Variants in GTF2IRD1 observed in about 807,000 individuals in gnomAD.
GTF2IRD1 encodes GTF2I repeat domain containing 1, also known as general transcription factor II-I repeat domain-containing protein 1.
A neutral mutation model predicts 113.2 loss-of-function variants in GTF2IRD1; 26 were observed. That is an observed-to-expected ratio of 0.23 (90% CI 0.17 to 0.32). The LOEUF (loss-of-function observed/expected upper bound fraction) is 0.32. Among genes scored for constraint, GTF2IRD1 ranks in the 10% least tolerant of loss-of-function variants. GTF2IRD1 has a pLI of 1.00. For synonymous variants in GTF2IRD1, 484 were observed against 529.1 expected (o/e 0.91, Z 1.17); for missense variants, 864 against 1,280.8 (o/e 0.67, Z 4.97).
At position 74,569,423 on chromosome 7, in the gene GTF2IRD1, T is replaced by TG. The variant is rs1268910497; in HGVS notation, c.2320+9769dup. 3.3e-5 allele frequency among the ~76,000 whole-genome samples: 5 copies of TG among 152,308 alleles called. No individual in the cohort carries two copies. The East Asian group carries it at 9.6e-4, about 29-fold the overall frequency. Reference sequence around the variant, plus strand: ...GAGGCCAAAGCCACTCCCTGGTCTATGCTGTTCTGCGGCCTGAGCCTGGGG... The same window carrying TG: ...GAGGCCAAAGCCACTCCCTGGTCTATGGCTGTTCTGCGGCCTGAGCCTGGGG... On this transcript the variant is annotated intron_variant, in intron 22 of 26. Coordinates refer to ENST00000424337, the MANE Select transcript of GTF2IRD1 (RefSeq NM_005685.4).
chr7:74,492,737 G>A (rs902336138), intron 1 of GTF2IRD1, among the ~76,000 whole-genome samples: 28 of 151,554 alleles, frequency 1.8e-4, no homozygotes, highest in Non-Finnish European at 2.8e-4. Context: ...CAAAATCAAG[G>A]TGCCGACAGT....
At chr7:74,585,110 GTTTTTTTT>G (rs781982819) in intron 22 of GTF2IRD1, among the ~76,000 whole-genome samples, 1 of 121,964 alleles carries the variant, frequency 8.2e-6, no homozygotes, top group African/African-American at 3.0e-5. Flanking sequence ...CCTGTTTGGT[GTTTTTTTT>G]TTTTTTTTTT....
chr7:74,570,701 T>A (rs1461019873), intron 22 of GTF2IRD1, among the ~76,000 whole-genome samples: 1 of 152,178 alleles, frequency 6.6e-6, no homozygotes, highest in African/African-American at 2.4e-5. Context: ...GGTTAACGTT[T>A]TTTAAAAGCT....
At chr7:74,454,564 TGGGAAGGCCGC>T (rs1406611805) in intron 1 of GTF2IRD1, among the ~76,000 whole-genome samples, 2 of 141,076 alleles carry the variant, frequency 1.4e-5, no homozygotes, top group African/African-American at 5.5e-5. Context: ...CAGAGGGGGC[TGGGAAGGCCGC>T]GGTCCCCGCC....
At chr7:74,508,001 T>G in intron 1 of GTF2IRD1, 74 bp from the exon 2 acceptor site, 1 of 1,504,922 alleles carries the variant, frequency 6.6e-7, no homozygotes, top group Non-Finnish European at 8.9e-7. Context: ...TCAGGTGGAT[T>G]GGGGTGGGCA....
Position 74,548,421 on chromosome 7 carries a change from CAAA to C in GTF2IRD1, c.1916+1147_1916+1149del, listed in dbSNP as rs782421473. ...TGGGCAACAGAGCGAGACTTCGTCT[CAAA>C]AAAAAAAAAAAGTCCCTTTGGAGAA... On this transcript the variant is annotated intron_variant, in intron 17 of 26. Transcript: ENST00000424337. Among the ~76,000 whole-genome samples, 28 of 120,444 alleles carry C rather than the reference CAAA, an allele frequency of 2.3e-4. No homozygotes were observed. The East Asian group carries it at 5.9e-3, about 26-fold the overall frequency. 79.0% of individuals were successfully genotyped at this position (120,444 alleles called of 152,430 possible).
chr7:74,573,715 G>A (rs782018237), intron 22 of GTF2IRD1, among the ~76,000 whole-genome samples: 7 of 152,122 alleles, frequency 4.6e-5, no homozygotes, highest in Non-Finnish European at 8.8e-5. Context: ...GGGTGTACCC[G>A]ATCCTTCCAG....
At chr7:74,493,132 A>AG (rs1426467983) in intron 1 of GTF2IRD1, among the ~76,000 whole-genome samples, 3 of 137,794 alleles carry the variant, frequency 2.2e-5, no homozygotes, top group African/African-American at 5.6e-5. Flanking sequence ...TTTTTGAGAT[A>AG]GGGGTCTCAC....
chr7:74,490,681 C>T (rs1554336510), intron 1 of GTF2IRD1, among the ~76,000 whole-genome samples: 4 of 151,722 alleles, frequency 2.6e-5, no homozygotes, highest in African/African-American at 7.3e-5. Context: ...CTGCCTTTGC[C>T]TTTTACGTGG....
At chr7:74,509,365 A>T (rs1796489403) in intron 2 of GTF2IRD1, among the ~76,000 whole-genome samples, 1 of 151,324 alleles carries the variant, frequency 6.6e-6, no homozygotes, top group African/African-American at 2.4e-5. Context: ...TCAAAAAAAA[A>T]TAAATAAAAA....
At chr7:74,561,491 G>A (rs1799963833) in intron 22 of GTF2IRD1, among the ~76,000 whole-genome samples, 1 of 152,040 alleles carries the variant, frequency 6.6e-6, no homozygotes, top group Non-Finnish European at 1.5e-5. Context: ...TTGGGCCTCA[G>A]GGGAAGATGG....
chr7:74,519,753 G>A, intron 6 of GTF2IRD1, 34 bp downstream of exon 6: 3 of 1,475,270 alleles, frequency 2.0e-6, no homozygotes, highest in Non-Finnish European at 2.8e-6. Flanking sequence ...AAGTCTAGGG[G>A]GTGGGACAGA....
chr7:74,543,895 AACAATT>A (rs1319464345), intron 14 of GTF2IRD1, among the ~76,000 whole-genome samples: 1 of 151,326 alleles, frequency 6.6e-6, no homozygotes, highest in African/African-American at 2.4e-5. Flanking sequence ...AAAAAAAAAA[AACAATT>A]AGCTGGATGT....
At chr7:74,550,287 TAAAG>T (rs1450445592) in intron 17 of GTF2IRD1, among the ~76,000 whole-genome samples, 11 of 152,092 alleles carry the variant, frequency 7.2e-5, no homozygotes, top group Non-Finnish European at 1.2e-4. Flanking sequence ...AACAGGGAAA[TAAAG>T]ATTCACAAGA....
rs1799538134 is a variant in GTF2IRD1, at chr7:74,555,500, G to A, written c.2023+6G>A. On this transcript the variant is annotated splice_donor_region_variant and intron_variant, in intron 19 of 26. Coordinates refer to ENST00000424337, the MANE Select transcript of GTF2IRD1 (RefSeq NM_005685.4). The surrounding 1 kb of genome is among the most constrained non-coding windows in gnomAD (Gnocchi z 5.3). ...GAAGAGACAGGGCTTTCAAGGTAAG[G>A]TTGAGCTCACGGGGAGGTCTGTTGT... is the stretch of plus-strand genomic sequence containing the variant. 3.2e-6 allele frequency: 5 copies of A among 1,574,506 alleles called. No individual in the cohort carries two copies. In the South Asian group the frequency reaches 4.4e-5, roughly 14 times the overall value.
chr7:74,471,860 T>C (rs375433723), intron 1 of GTF2IRD1, among the ~76,000 whole-genome samples: 2 of 150,396 alleles, frequency 1.3e-5, no homozygotes, highest in South Asian at 2.1e-4. Flanking sequence ...GGCATGGTGG[T>C]GGGTGCCTGT....
intron 1 of GTF2IRD1, 45 bp from the exon 2 acceptor site, chr7:74,508,030 C>A: frequency 1.3e-6 from 2 of 1,571,622 alleles, no homozygotes; most frequent in Non-Finnish European, 1.7e-6. Context: ...ATGAGACAAG[C>A]CCCCTGCCTT....
intron 22 of GTF2IRD1, among the ~76,000 whole-genome samples, chr7:74,574,076 C>T (rs377095441): frequency 1.3e-4 from 19 of 151,950 alleles, no homozygotes; most frequent in East Asian, 3.9e-4. Context: ...CTCCGCCTCC[C>T]GGGTTCAAGC....
At chr7:74,590,411 CAG>C (rs1554369131) in intron 23 of GTF2IRD1, among the ~76,000 whole-genome samples, 1 of 144,164 alleles carries the variant, frequency 6.9e-6, no homozygotes, top group African/African-American at 2.6e-5. Context: ...TTTTTGGAGA[CAG>C]AGTCTCACTC....
Sources: gnomAD v4.1 joint callset for allele counts (sites outside exome capture counted in the v4.1 genomes callset) on GRCh38, gnomAD v4.1.1 for gene constraint, Gnocchi (gnomAD v3.1) non-coding constraint, MANE v1.5 for transcripts, NCBI Gene and HGNC (gene_info 2026-07-23, HGNC 2026-07-21) for gene names.